The following LRCH1 variants were observed in gnomAD, a reference collection of about 807,000 sequenced individuals.
LRCH1 encodes the protein leucine rich repeats and calponin homology domain containing 1, also known as leucine-rich repeat and calponin homology domain-containing protein 1.
In LRCH1, 23 loss-of-function variants were observed where a neutral mutation model predicts 94.9. That is an observed-to-expected ratio of 0.24 (90% CI 0.17 to 0.34). LRCH1 has a LOEUF of 0.34. LRCH1 is among the 10% of genes least tolerant of loss of function. The pLI, the probability that LRCH1 is intolerant of heterozygous loss-of-function variation, is 1.00. For synonymous variants in LRCH1, 364 were observed against 354.9 expected (o/e 1.03, Z -0.29); for missense variants, 790 against 945.9 (o/e 0.84, Z 2.16).
At chr13:46,714,739 T>C (rs1872234720) in intron 15 of LRCH1, among the ~76,000 whole-genome samples, 2 of 152,172 alleles carry the variant, frequency 1.3e-5, no homozygotes, top group South Asian at 2.1e-4. Flanking sequence ...AATATAGATA[T>C]TTCCTAAATA....
intron 1 of LRCH1, among the ~76,000 whole-genome samples, chr13:46,647,294 A>AT (rs1162943375): frequency 2.0e-5 from 3 of 152,096 alleles, no homozygotes; most frequent in East Asian, 3.9e-4. Context: ...TGTTTATCAG[A>AT]TTTTTTTATA....
chr13:46,724,597 G>A (rs1400615580), intron 17 of LRCH1, among the ~76,000 whole-genome samples: 1 of 152,090 alleles, frequency 6.6e-6, no homozygotes, highest in Non-Finnish European at 1.5e-5. Context: ...CACTCTGTAG[G>A]TATTTGTCTA....
intron 1 of LRCH1, among the ~76,000 whole-genome samples, chr13:46,581,779 A>G (rs1357887240): frequency 6.6e-6 from 1 of 152,224 alleles, no homozygotes; most frequent in Non-Finnish European, 1.5e-5. Context: ...TATTCCACCT[A>G]CTGCCATCAA....
At chr13:46,621,152 C>CT (rs2050875850) in intron 1 of LRCH1, among the ~76,000 whole-genome samples, 1 of 152,240 alleles carries the variant, frequency 6.6e-6, no homozygotes, top group South Asian at 2.1e-4. Context: ...ATGCGTTCCG[C>CT]TAGTGTCATG....
At chr13:46,589,358 T>C (rs2050472641) in intron 1 of LRCH1, among the ~76,000 whole-genome samples, 1 of 152,094 alleles carries the variant, frequency 6.6e-6, no homozygotes, top group Admixed American at 6.6e-5. Context: ...TTCCTAATAG[T>C]AAGGGCATTC....
chr13:46,605,829 G>C (rs1294745278), intron 1 of LRCH1, among the ~76,000 whole-genome samples: 1 of 152,134 alleles, frequency 6.6e-6, no homozygotes, highest in Admixed American at 6.5e-5. Context: ...GTGATAATGG[G>C]TGAAAATGTG....
At chr13:46,606,859 C>T (rs1057178896) in intron 1 of LRCH1, among the ~76,000 whole-genome samples, 1 of 152,188 alleles carries the variant, frequency 6.6e-6, no homozygotes, top group Non-Finnish European at 1.5e-5. Context: ...TGAGCCACAG[C>T]ACCTGGCAGA....
At chr13:46,726,413 C>T (rs769707639) in intron 17 of LRCH1, among the ~76,000 whole-genome samples, 2 of 152,152 alleles carry the variant, frequency 1.3e-5, no homozygotes, top group South Asian at 2.1e-4. Context: ...AAACAGTAAT[C>T]GGCACAGACT....
At chr13:46,654,455 C>T (rs1388447052) in intron 2 of LRCH1, among the ~76,000 whole-genome samples, 2 of 152,210 alleles carry the variant, frequency 1.3e-5, no homozygotes, top group African/African-American at 4.8e-5. Context: ...TGGGGAGAGA[C>T]TGCCAATCCC....
At chr13:46,733,882 T>C in intron 18 of LRCH1, 39 bp from the exon 19 acceptor site, 1 of 1,281,512 alleles carries the variant, frequency 7.8e-7, no homozygotes, top group Non-Finnish European at 1.1e-6. Flanking sequence ...TGGTTTCTCT[T>C]TTAAATAATA....
At chr13:46,705,536 A>G in intron 13 of LRCH1, 1 of 588,182 alleles carries the variant, frequency 1.7e-6, no homozygotes, top group Non-Finnish European at 3.0e-6. Context: ...TTTCTATTAG[A>G]TTCTGTAGAT....
intron 1 of LRCH1, among the ~76,000 whole-genome samples, chr13:46,596,018 G>A (rs950898983): frequency 6.6e-6 from 1 of 152,148 alleles, no homozygotes; most frequent in Non-Finnish European, 1.5e-5. Context: ...AGGCAAAAAG[G>A]CTTTTAAATA....
chr13:46,618,039 C>T (rs71432925), intron 1 of LRCH1, among the ~76,000 whole-genome samples: 3,179 of 152,180 alleles, frequency 0.021, 45 homozygotes, highest in South Asian at 0.035. Flanking sequence ...CATCACTTAA[C>T]GACAGGGACA....
At chr13:46,659,296 G>A (rs907440465) in intron 2 of LRCH1, among the ~76,000 whole-genome samples, 1 of 152,002 alleles carries the variant, frequency 6.6e-6, no homozygotes, top group African/African-American at 2.4e-5. Context: ...GGGTTCAAGC[G>A]ATTCTCCTGC....
intron 1 of LRCH1, among the ~76,000 whole-genome samples, chr13:46,648,598 A>G (rs1214144001): frequency 6.6e-6 from 1 of 152,182 alleles, no homozygotes; most frequent in East Asian, 1.9e-4. Flanking sequence ...AATAACCCCA[A>G]CAGTTTTTTT....
intron 1 of LRCH1, among the ~76,000 whole-genome samples, chr13:46,581,138 G>A (rs775044387): frequency 2.0e-5 from 3 of 152,206 alleles, no homozygotes; most frequent in Non-Finnish European, 4.4e-5. Flanking sequence ...TCATGTGTCA[G>A]CTGCATCATG....
In LRCH1 at chr13:46,744,241, A is replaced by G; in HGVS notation, c.*2393A>G. On this transcript the variant is annotated 3_prime_UTR_variant, in exon 20 of 20. Transcript: ENST00000389797. ...CTTAGAGTCTGAGAAGTAGTCAGGG[A>G]TGTCACTGAGTGGTTTATTGTGCTG... The G allele has an allele frequency of 1.0e-6, 1 of 985,452 alleles. No homozygotes were observed. The highest frequency in any genetic ancestry group is 1.2e-6 in the Non-Finnish European group (1 of 829,940). The allele number at this position is 985,452 out of a possible 1,614,324, so 61.0% of individuals were successfully genotyped here.
At chr13:46,688,963 A>G (rs1314864475) in intron 6 of LRCH1, among the ~76,000 whole-genome samples, 170 bp from the exon 7 acceptor site, 1 of 152,214 alleles carries the variant, frequency 6.6e-6, no homozygotes. Context: ...GATTTTCATT[A>G]GGTCCATGTC....
intron 2 of LRCH1, 124 bp from the exon 3 acceptor site, chr13:46,668,906 C>A: frequency 3.3e-6 from 3 of 908,218 alleles, no homozygotes; most frequent in Non-Finnish European, 3.3e-6. Context: ...ATATATTGGA[C>A]TTCTTGTATT....
Sources: allele counts gnomAD v4.1 joint callset (sites outside exome capture counted in the v4.1 genomes callset), GRCh38; gene constraint gnomAD v4.1.1; transcripts MANE v1.5; gene names NCBI Gene and HGNC (gene_info 2026-07-23, HGNC 2026-07-21).